Variants in GRID1 observed in about 807,000 individuals in gnomAD.
GRID1 encodes the protein glutamate receptor ionotropic, delta-1.
A neutral mutation model predicts 98.0 loss-of-function variants in GRID1; 28 were observed. That is an observed-to-expected ratio of 0.29 (90% confidence interval 0.21 to 0.39). The LOEUF (loss-of-function observed/expected upper bound fraction) is 0.39. Ranked by LOEUF, GRID1 falls within the 10% of genes least tolerant of loss-of-function variation. GRID1 has a pLI of 1.00. For synonymous variants in GRID1, 553 were observed against 538.5 expected (o/e 1.03, Z -0.37); for missense variants, 1,111 against 1,340.5 (o/e 0.83, Z 2.67).
At chr10:85,683,565 T>C (rs1564558524) in intron 12 of GRID1, among the ~76,000 whole-genome samples, 1 of 152,232 alleles carries the variant, frequency 6.6e-6, no homozygotes, top group South Asian at 2.1e-4. Flanking sequence ...CTTTCCTCAT[T>C]AAAAGCAGCA....
Position 85,788,546 on chromosome 10 carries a change from C to T in GRID1, c.1234-58932G>A, listed in dbSNP as rs77037629. On this transcript the variant is annotated intron_variant, in intron 8 of 15. Coordinates refer to ENST00000327946, the MANE Select transcript of GRID1 (RefSeq NM_017551.3). The stretch of plus-strand genomic sequence containing the variant: ...TCTTGGCCAACCTCATGAATTTACT[C>T]CACAGTGACAGGCAAACCCTAATTG... Among the ~76,000 whole-genome samples the T allele has an allele frequency of 3.5e-4, 54 of 152,302 alleles. No individual in the cohort carries two copies. The East Asian group carries it at 9.3e-3, about 26-fold the overall frequency.
At chr10:86,052,070 T>C (rs1194937927) in intron 4 of GRID1, among the ~76,000 whole-genome samples, 2 of 151,770 alleles carry the variant, frequency 1.3e-5, no homozygotes, top group Non-Finnish European at 1.5e-5. Flanking sequence ...GTTAAGTAGG[T>C]TATGGCACAT....
chr10:85,633,176 C>T (rs201465970), intron 13 of GRID1, among the ~76,000 whole-genome samples: 1 of 151,936 alleles, frequency 6.6e-6, no homozygotes, highest in Non-Finnish European at 1.5e-5. Flanking sequence ...GTGATCCTCC[C>T]GCCTCAGCCT....
intron 4 of GRID1, among the ~76,000 whole-genome samples, chr10:85,971,064 T>G (rs1187108544): frequency 6.6e-6 from 1 of 151,896 alleles, no homozygotes; most frequent in Non-Finnish European, 1.5e-5. Flanking sequence ...AAAATAAAAT[T>G]AATGAAACAA....
chr10:85,880,149 A>T (rs1005822417), intron 5 of GRID1, among the ~76,000 whole-genome samples: 19 of 152,178 alleles, frequency 1.2e-4, no homozygotes, highest in Non-Finnish European at 1.5e-5. Flanking sequence ...CAACCAAAAA[A>T]AGTCCGGGAC....
chr10:85,893,693 A>G (rs571649809), intron 5 of GRID1, among the ~76,000 whole-genome samples: 8 of 152,244 alleles, frequency 5.3e-5, no homozygotes, highest in Non-Finnish European at 1.2e-4. Flanking sequence ...TGTACACTTA[A>G]CAGTGTAAAA....
intron 12 of GRID1, among the ~76,000 whole-genome samples, chr10:85,668,371 T>C (rs1225323786): frequency 1.3e-5 from 2 of 152,228 alleles, no homozygotes; most frequent in Non-Finnish European, 2.9e-5. Context: ...TGTGGGCTGA[T>C]GTGTGTCCTC....
At chr10:86,191,428 G>C (rs908524236) in intron 3 of GRID1, among the ~76,000 whole-genome samples, 2 of 152,078 alleles carry the variant, frequency 1.3e-5, no homozygotes, top group Non-Finnish European at 2.9e-5. Context: ...GTGAGTCCCT[G>C]GGTGTGGTGG....
At chr10:85,700,267 A>G (rs1841436423) in intron 12 of GRID1, among the ~76,000 whole-genome samples, 1 of 152,216 alleles carries the variant, frequency 6.6e-6, no homozygotes, top group African/African-American at 2.4e-5. Flanking sequence ...AGATAATAAA[A>G]GAGAAAAACA....
intron 8 of GRID1, among the ~76,000 whole-genome samples, chr10:85,809,142 C>T (rs907820422): frequency 2.0e-5 from 3 of 151,696 alleles, no homozygotes; most frequent in Non-Finnish European, 4.4e-5. Context: ...CAGCAGAAGA[C>T]GTGACTCGTT....
Position 86,195,135 on chromosome 10 carries a change from C to T in GRID1, c.520+11229G>A, listed in dbSNP as rs892602405. On this transcript the variant is annotated intron_variant, in intron 3 of 15. Transcript: ENST00000327946. This position sits in a 1 kb window ranked among gnomAD's most constrained non-coding sequence, Gnocchi z 4.4. ...AGAGGCAAGTCCTATCCCTACCCTT[C>T]CAGGAATGGTAAGTTCCAGCTTGGG... Among the ~76,000 whole-genome samples, 2 of 152,110 alleles carry T rather than the reference C, an allele frequency of 1.3e-5. No homozygotes were observed. The highest frequency in any genetic ancestry group is 4.8e-5 in the African/African-American group (2 of 41,446).
At chr10:85,948,802 T>C (rs1393480345) in intron 4 of GRID1, among the ~76,000 whole-genome samples, 4 of 152,190 alleles carry the variant, frequency 2.6e-5, no homozygotes, top group Non-Finnish European at 5.9e-5. Flanking sequence ...ATATACAGTA[T>C]TTTCAAATTT....
chr10:85,940,114 AG>A (rs1564631606), intron 4 of GRID1, among the ~76,000 whole-genome samples: 2 of 149,344 alleles, frequency 1.3e-5, no homozygotes, highest in African/African-American at 2.5e-5. Context: ...AGCTGTGGGC[AG>A]GGGGCATTGT....
chr10:85,713,073 A>C (rs535603404), intron 12 of GRID1, among the ~76,000 whole-genome samples: 1 of 151,844 alleles, frequency 6.6e-6, no homozygotes, highest in Admixed American at 6.6e-5. Context: ...TCGGGGCAGA[A>C]ATAAATAAAA....
chr10:85,876,515 T>C (rs577092110), intron 5 of GRID1, among the ~76,000 whole-genome samples: 2 of 152,272 alleles, frequency 1.3e-5, no homozygotes, highest in African/African-American at 4.8e-5. Context: ...CTGCAAAATG[T>C]CCTTTGCCAT....
chr10:86,122,680 G>A (rs925259277), intron 4 of GRID1, among the ~76,000 whole-genome samples: 6 of 152,204 alleles, frequency 3.9e-5, no homozygotes, highest in Non-Finnish European at 8.8e-5. Context: ...TTTTTAAATT[G>A]GTCACTGAAT....
At chr10:86,199,723 G>T (rs532012109) in intron 3 of GRID1, among the ~76,000 whole-genome samples, 3 of 152,108 alleles carry the variant, frequency 2.0e-5, no homozygotes, top group Non-Finnish European at 2.9e-5. Context: ...TGGGAAATTC[G>T]GGTCCTACCT....
chr10:86,176,151 C>T (rs1407966171), intron 3 of GRID1, among the ~76,000 whole-genome samples: 1 of 152,234 alleles, frequency 6.6e-6, no homozygotes, highest in Admixed American at 6.5e-5. Flanking sequence ...CCAGAATCAG[C>T]TGTTGGGCTG....
intron 2 of GRID1, among the ~76,000 whole-genome samples, chr10:86,345,620 T>A (rs1271051581): frequency 1.3e-5 from 2 of 152,090 alleles, no homozygotes; most frequent in African/African-American, 2.4e-5. Flanking sequence ...GAGGCAGGGG[T>A]TGGGGGAGCT....
Sources: allele counts gnomAD v4.1 joint callset (sites outside exome capture counted in the v4.1 genomes callset), GRCh38; gene constraint gnomAD v4.1.1; non-coding constraint Gnocchi (gnomAD v3.1); transcripts MANE v1.5; gene names NCBI Gene and HGNC (gene_info 2026-07-23, HGNC 2026-07-21).